SLIT3: variants seen among roughly 807,000 people sequenced by gnomAD.
The protein encoded by SLIT3 is slit guidance ligand 3, also known as slit homolog 3 protein.
Under a neutral mutation model 184.0 loss-of-function variants are expected in SLIT3, and 68 were observed. The observed-to-expected ratio is 0.37, with a 90% CI of 0.30 to 0.45. The LOEUF is 0.45. SLIT3 is among the 20% of genes least tolerant of loss of function. SLIT3 has a pLI of 1.00. For synonymous variants in SLIT3, 831 were observed against 828.6 expected (o/e 1.00, Z -0.05); for missense variants, 1,707 against 2,026.0 (o/e 0.84, Z 3.02).
chr5:168,939,397 T>C (rs1762263524), intron 4 of SLIT3, among the ~76,000 whole-genome samples: 1 of 152,152 alleles, frequency 6.6e-6, no homozygotes, highest in South Asian at 2.1e-4. Context: ...ATCCCACAAA[T>C]ACAGCAAAAC....
intron 3 of SLIT3, among the ~76,000 whole-genome samples, chr5:169,220,168 G>A (rs1417762135): frequency 2.0e-5 from 3 of 152,038 alleles, no homozygotes; most frequent in Admixed American, 1.3e-4. Context: ...CCCTGTCCTT[G>A]GTACCCCACA....
intron 3 of SLIT3, among the ~76,000 whole-genome samples, chr5:169,233,581 T>C (rs1056852934): frequency 3.9e-5 from 6 of 152,218 alleles, no homozygotes; most frequent in Non-Finnish European, 8.8e-5. Context: ...TGTGCCACCA[T>C]GGCACACGTT....
intron 14 of SLIT3, chr5:168,768,344 A>T (rs1755419237): frequency 2.2e-6 from 1 of 461,346 alleles, no homozygotes; most frequent in African/African-American, 2.0e-5. Context: ...GCAGGCCCCC[A>T]CTGAGCGTGA....
chr5:169,117,240 T>C (rs1341151014), intron 4 of SLIT3, among the ~76,000 whole-genome samples: 2 of 152,172 alleles, frequency 1.3e-5, no homozygotes, highest in Non-Finnish European at 2.9e-5. Flanking sequence ...CCAGGATACA[T>C]AACTCCACAA....
intron 4 of SLIT3, among the ~76,000 whole-genome samples, chr5:169,004,514 G>C (rs142533477): frequency 1.3e-5 from 2 of 152,148 alleles, no homozygotes; most frequent in African/African-American, 4.8e-5. Flanking sequence ...ACTGCTCAGC[G>C]TGATGCAGAG....
intron 1 of SLIT3, among the ~76,000 whole-genome samples, chr5:169,262,134 G>A (rs1419344262): frequency 2.0e-5 from 3 of 152,138 alleles, no homozygotes; most frequent in African/African-American, 7.2e-5. Flanking sequence ...GAAGCAGAGG[G>A]CCGAGACAAA....
intron 3 of SLIT3, among the ~76,000 whole-genome samples, chr5:169,220,921 C>A (rs1164947758): frequency 6.6e-6 from 1 of 152,216 alleles, no homozygotes; most frequent in Non-Finnish European, 1.5e-5. Flanking sequence ...TCTGTACCAG[C>A]CCCTTCTGGC....
At chr5:169,172,064 A>C (rs1298672701) in intron 4 of SLIT3, among the ~76,000 whole-genome samples, 1 of 152,220 alleles carries the variant, frequency 6.6e-6, no homozygotes, top group Non-Finnish European at 1.5e-5. Context: ...GGGGGATAAG[A>C]AAGCCTCGGA....
intron 4 of SLIT3, among the ~76,000 whole-genome samples, chr5:169,184,012 C>G (rs753933167): frequency 7.2e-5 from 11 of 152,236 alleles, no homozygotes; most frequent in Non-Finnish European, 1.5e-4. Context: ...AACTCTTCTG[C>G]TGGCCCACAG....
intron 4 of SLIT3, among the ~76,000 whole-genome samples, chr5:169,089,645 A>C (rs954914469): frequency 1.3e-5 from 2 of 152,188 alleles, no homozygotes; most frequent in African/African-American, 4.8e-5. Flanking sequence ...CAGACCCTGG[A>C]GAGCTCTGTA....
At chr5:169,057,003 G>A (rs550894504) in intron 4 of SLIT3, among the ~76,000 whole-genome samples, 4 of 152,334 alleles carry the variant, frequency 2.6e-5, no homozygotes, top group South Asian at 4.1e-4. Flanking sequence ...ATAATGACAA[G>A]AGCAGGCATG....
chr5:169,196,860 G>A (rs1763758849), intron 3 of SLIT3, among the ~76,000 whole-genome samples: 1 of 152,104 alleles, frequency 6.6e-6, no homozygotes. Context: ...CCCTGGAAAG[G>A]AACTCTCTTG....
At chr5:169,251,947 A>G (rs926231431) in intron 1 of SLIT3, among the ~76,000 whole-genome samples, 14 of 152,214 alleles carry the variant, frequency 9.2e-5, no homozygotes, top group Admixed American at 8.5e-4. Flanking sequence ...TCACCGCCAC[A>G]AAAACAGTGA....
At chr5:169,213,424 AACT>A (rs1561743137) in intron 3 of SLIT3, among the ~76,000 whole-genome samples, 1 of 152,200 alleles carries the variant, frequency 6.6e-6, no homozygotes, top group Non-Finnish European at 1.5e-5. Context: ...AATTGGAAAA[AACT>A]ACTTTAAACT....
chr5:168,678,793 A>G (rs188761179), intron 32 of SLIT3, among the ~76,000 whole-genome samples: 5 of 152,354 alleles, frequency 3.3e-5, no homozygotes, highest in Admixed American at 6.5e-5. Context: ...AGGAAAAAAT[A>G]GTAACAACCT....
intron 1 of SLIT3, among the ~76,000 whole-genome samples, chr5:169,258,621 A>T (rs1200813790): frequency 6.6e-6 from 1 of 152,236 alleles, no homozygotes; most frequent in African/African-American, 2.4e-5. Flanking sequence ...ATCATAAACC[A>T]ATGCTGCGAC....
At chr5:168,695,585 C>T (rs1762035036) in intron 28 of SLIT3, among the ~76,000 whole-genome samples, 2 of 152,288 alleles carry the variant, frequency 1.3e-5, no homozygotes, top group African/African-American at 4.8e-5. Context: ...GCTGTGTTTG[C>T]ACCAAAATTG....
At chr5:168,813,745 C>G (rs372532316) in intron 8 of SLIT3, among the ~76,000 whole-genome samples, 1 of 152,178 alleles carries the variant, frequency 6.6e-6, no homozygotes, top group East Asian at 1.9e-4. Context: ...AGAAGCTGGG[C>G]TCCAGACAGC....
At chr5:169,066,942 G>GAAAAAA (rs60977256) in intron 4 of SLIT3, among the ~76,000 whole-genome samples, 17 of 80,408 alleles carry the variant, frequency 2.1e-4, no homozygotes, top group African/African-American at 4.7e-4. Context: ...TCCCTTTCCT[G>GAAAAAA]AAAAAAAAAA....
Sources: allele counts gnomAD v4.1 joint callset (sites outside exome capture counted in the v4.1 genomes callset), GRCh38; gene constraint gnomAD v4.1.1; transcripts MANE v1.5; gene names NCBI Gene and HGNC (gene_info 2026-07-23, HGNC 2026-07-21).